NCAPD3: variants seen among roughly 807,000 people sequenced by gnomAD.
NCAPD3 encodes the protein condensin-2 complex subunit D3.
A neutral mutation model predicts 182.9 loss-of-function variants in NCAPD3; 105 were observed. That is an observed-to-expected ratio of 0.57 (90% CI 0.49 to 0.68). The LOEUF (loss-of-function observed/expected upper bound fraction) is 0.68. Ranked by LOEUF, NCAPD3 falls within the 30% of genes least tolerant of loss-of-function variation. NCAPD3 has a pLI of 0.00. For synonymous variants in NCAPD3, 815 were observed against 679.9 expected, an observed-to-expected ratio of 1.20 and a Z score of -3.09; for missense variants, 1,944 against 1,837.0, an observed-to-expected ratio of 1.06 and a Z score of -1.07.
rs147012256 is a variant in NCAPD3, at chr11:134,190,610, C to T, written c.2045+2079G>A. 8.1e-3 allele frequency among the ~76,000 whole-genome samples: 1,231 copies of T among 152,274 alleles called. 14 individuals carry two copies. Among genetic ancestry groups the T allele is most frequent in the African/African-American group, 0.029 (1,193 of 41,560 alleles). On this transcript the variant is annotated intron_variant, in intron 16 of 34. Coordinates refer to ENST00000534548, the MANE Select transcript of NCAPD3 (RefSeq NM_015261.3). ...GAAGCGATCATCCCACCACAGCCTCCCAAGTAGCTGGGACTACAGGCGTGC... is the reference window on the plus strand; with the variant it reads ...GAAGCGATCATCCCACCACAGCCTCTCAAGTAGCTGGGACTACAGGCGTGC...
Position 134,208,868 on chromosome 11 carries a change from T to C in NCAPD3, c.878A>G (p.Asp293Gly), listed in dbSNP as rs1399387900. ...TTAGGTTCTCATCTCCTTTACCTTA[T>C]CTCCTTCTCCATGAATGGGAGAGCA... ...LLCSPIHGEG[D>G]KVISCVFHQM... Residue 293 changes from aspartate to glycine, a missense_variant, in exon 7 of 35, where the codon GAT (aspartate) becomes GGT (glycine). Around this residue, in one of 3 missense-constraint regions of NCAPD3, gnomAD observed 1,803 missense variants for 1,674.6 expected, o/e 1.08. Coordinates refer to ENST00000534548, the MANE Select transcript of NCAPD3 (RefSeq NM_015261.3). 16 of 1,609,856 alleles carry C rather than the reference T, an allele frequency of 9.9e-6. No individual in the cohort carries two copies. Among genetic ancestry groups the C allele is most frequent in the African/African-American group, 1.3e-5 (1 of 74,762 alleles).
At chr11:134,156,425 G>T (rs1325300200) in intron 32 of NCAPD3, among the ~76,000 whole-genome samples, 2 of 152,134 alleles carry the variant, frequency 1.3e-5, no homozygotes, top group Non-Finnish European at 2.9e-5. Context: ...CAAAATAATG[G>T]TTTTTATGAG....
intron 1 of NCAPD3, chr11:134,223,252 A>C (rs1938306340): frequency 1.7e-6 from 1 of 588,760 alleles, no homozygotes; most frequent in Non-Finnish European, 3.1e-6. Context: ...AGCAGCTAAA[A>C]TACTCCTGCA....
intron 20 of NCAPD3, among the ~76,000 whole-genome samples, chr11:134,180,226 A>C (rs1215364742): frequency 6.6e-6 from 1 of 152,112 alleles, no homozygotes; most frequent in Admixed American, 6.5e-5. Context: ...GTAGTGCCTC[A>C]GGCTCAATGG....
At chr11:134,218,112 G>A (rs1485088434) in intron 2 of NCAPD3, among the ~76,000 whole-genome samples, 4 of 60,186 alleles carry the variant, frequency 6.6e-5, no homozygotes, top group Non-Finnish European at 9.3e-5. Flanking sequence ...AAAAAAAAAG[G>A]GGGGGGGGGG....
chr11:134,158,152 C>A, intron 30 of NCAPD3, 85 bp from the exon 31 acceptor site: 1 of 1,544,720 alleles, frequency 6.5e-7, no homozygotes, highest in Non-Finnish European at 8.8e-7. Context: ...CCGCGTGCCT[C>A]CTCACCGGCG....
At chr11:134,171,325 TCTCA>T (rs751257426) in intron 24 of NCAPD3, among the ~76,000 whole-genome samples, 14 of 152,190 alleles carry the variant, frequency 9.2e-5, no homozygotes, top group Admixed American at 3.3e-4. Flanking sequence ...GTTATTACTC[TCTCA>T]CTAAGAATCG....
At chr11:134,225,394 G>A (rs1771732771), upstream of NCAPD3, 2 of 1,591,062 alleles carry the variant, frequency 1.3e-6, no homozygotes, top group African/African-American at 2.7e-5. Flanking sequence ...AGCCGGCCGG[G>A]GAGCAGGGTG....
intron 1 of NCAPD3, among the ~76,000 whole-genome samples, chr11:134,222,144 G>A (rs950030483): frequency 1.3e-5 from 2 of 152,180 alleles, no homozygotes; most frequent in Admixed American, 6.5e-5. Context: ...GAGTATAGGA[G>A]ACACTGAGTT....
chr11:134,153,087 C>G (rs181582835), intron 34 of NCAPD3, 35 bp from the exon 35 acceptor site: 1 of 1,612,144 alleles, frequency 6.2e-7, no homozygotes. Context: ...TTCTGGAACT[C>G]AGAAAAACCC....
rs1490184995 is a variant in NCAPD3, at chr11:134,209,191, T to C, written c.748A>G (p.Thr250Ala). The C allele has an allele frequency of 1.9e-6, 3 of 1,613,372 alleles. No homozygotes were observed. Among genetic ancestry groups the C allele is most frequent in the Non-Finnish European group, 2.5e-6 (3 of 1,179,710 alleles). Residue 250 changes from threonine (T) to alanine (A), a missense_variant, in exon 6 of 35, where the codon ACT (threonine) becomes GCT (alanine). By Grantham distance (58) the Thr-to-Ala change is moderately conservative. Coordinates refer to ENST00000534548, the MANE Select transcript of NCAPD3 (RefSeq NM_015261.3). ...TCATGAAGAACTGGCTCAAAATTAG[T>C]TAATGAAACAAAGACCTAGAAAACA... ...QNCIEVFVSL[T>A]NFEPVLHECH...
At position 134,157,001 on chromosome 11, in the gene NCAPD3, T is replaced by C; in HGVS notation, c.4252+17A>G. 6.3e-7 allele frequency: 1 copy of C among 1,598,284 alleles called. No homozygotes were observed. Among genetic ancestry groups the C allele is most frequent in the Non-Finnish European group, 8.6e-7 (1 of 1,168,432 alleles). ...AGAGACTGAGGAGAAGCCCACGTGT[T>C]CCGATCAGTTACTCACTCTCGGGGG... On this transcript the variant is annotated intron_variant, in intron 32 of 34. Transcript: ENST00000534548.
At chr11:134,156,452 A>C (rs1374115308) in intron 32 of NCAPD3, among the ~76,000 whole-genome samples, 1 of 152,198 alleles carries the variant, frequency 6.6e-6, no homozygotes, top group Non-Finnish European at 1.5e-5. Flanking sequence ...CACAATATGA[A>C]GCTATCACAC....
chr11:134,162,668 A>T (rs1423370409), intron 27 of NCAPD3, among the ~76,000 whole-genome samples: 2 of 152,228 alleles, frequency 1.3e-5, no homozygotes, highest in Non-Finnish European at 2.9e-5. Context: ...TAGAGAAATA[A>T]GCAATTTAAT....
At chr11:134,194,879 A>C in intron 13 of NCAPD3, 141 bp from the exon 14 acceptor site, 1 of 518,166 alleles carries the variant, frequency 1.9e-6, no homozygotes, top group Non-Finnish European at 3.4e-6. Context: ...GAGAGTGTGG[A>C]AAAAGAAGAA....
chr11:134,185,750 T>A (rs1474920330), intron 16 of NCAPD3, among the ~76,000 whole-genome samples: 2 of 152,174 alleles, frequency 1.3e-5, no homozygotes, highest in Non-Finnish European at 2.9e-5. Flanking sequence ...TTTCCCCTCA[T>A]AAAATATTCC....
intron 13 of NCAPD3, among the ~76,000 whole-genome samples, chr11:134,202,301 C>T (rs976521793): frequency 2.6e-5 from 4 of 152,118 alleles, no homozygotes; most frequent in Non-Finnish European, 5.9e-5. Context: ...GTGTTACAAC[C>T]GGAAAACGAC....
intron 19 of NCAPD3, among the ~76,000 whole-genome samples, chr11:134,182,497 A>T (rs1201067543): frequency 6.6e-6 from 1 of 152,206 alleles, no homozygotes. Context: ...TAAAGACTCC[A>T]GGCCCTTCTG....
chr11:134,181,299 C>T lies in NCAPD3; in HGVS notation c.2452-115G>A, dbSNP rs1318799765. 11 of 652,582 alleles carry T rather than the reference C, an allele frequency of 1.7e-5. No individual in the cohort carries two copies. The East Asian group carries it at 3.1e-4, about 18-fold the overall frequency. The allele number at this position is 652,582 out of a possible 1,614,324, so 40.4% of individuals were successfully genotyped here. On this transcript the variant is annotated intron_variant, in intron 19 of 34. Coordinates refer to ENST00000534548, the MANE Select transcript of NCAPD3 (RefSeq NM_015261.3). Reference sequence around the variant, plus strand: ...TTCAAATGGATAGGCTGTAGGGGTGCTTCCTAGCTTTCCTCTTTCCCACAA... The same window carrying T: ...TTCAAATGGATAGGCTGTAGGGGTGTTTCCTAGCTTTCCTCTTTCCCACAA...
Sources: gnomAD v4.1 joint callset for allele counts (sites outside exome capture counted in the v4.1 genomes callset) on GRCh38, gnomAD v4.1.1 for gene constraint, gnomAD v4.1.1 regional missense constraint, MANE v1.5 for transcripts, NCBI Gene and HGNC (gene_info 2026-07-23, HGNC 2026-07-21) for gene names.